TGM1: variants seen among roughly 807,000 people sequenced by gnomAD.
TGM1 encodes the protein transglutaminase 1, also known as protein-glutamine gamma-glutamyltransferase K.
TGM1 carries 63 observed loss-of-function variants against 88.7 expected under a neutral mutation model. The observed-to-expected ratio is 0.71, with a 90% confidence interval of 0.58 to 0.88. The LOEUF (loss-of-function observed/expected upper bound fraction) is 0.88. Among genes scored for constraint, TGM1 ranks in the 40% least tolerant of loss-of-function variants. TGM1 has a pLI of 0.00. For synonymous variants in TGM1, 415 were observed against 431.1 expected, an observed-to-expected ratio of 0.96 and a Z score of 0.46; for missense variants, 996 against 1,118.0, an observed-to-expected ratio of 0.89 and a Z score of 1.56.
At chr14:24,253,940 G>A (rs2855013) in intron 14 of TGM1, among the ~76,000 whole-genome samples, 2 of 152,342 alleles carry the variant, frequency 1.3e-5, no homozygotes, top group African/African-American at 4.8e-5. Context: ...GCAGGGCAAG[G>A]ACATGGCATA....
At chr14:24,257,342 GTGGGGGTT>G (rs1185072707) in intron 9 of TGM1, among the ~76,000 whole-genome samples, 6 of 152,206 alleles carry the variant, frequency 3.9e-5, no homozygotes, top group Admixed American at 2.0e-4. Flanking sequence ...GTAAGAAGGG[GTGGGGGTT>G]TGTTTGAGAA....
intron 14 of TGM1, among the ~76,000 whole-genome samples, chr14:24,250,338 C>T (rs1855337584): frequency 6.6e-6 from 1 of 152,144 alleles, no homozygotes; most frequent in African/African-American, 2.4e-5. Flanking sequence ...TGCCTCGCAT[C>T]CCACTTTTGT....
chr14:24,257,741 A>G (rs1165958211), intron 9 of TGM1, among the ~76,000 whole-genome samples: 2 of 152,222 alleles, frequency 1.3e-5, no homozygotes, highest in Admixed American at 6.5e-5. Flanking sequence ...GTTAGCATCT[A>G]TCCTGGGAAA....
chr14:24,258,019 T>C (rs1165490338), intron 9 of TGM1, among the ~76,000 whole-genome samples: 1 of 152,230 alleles, frequency 6.6e-6, no homozygotes, highest in Admixed American at 6.5e-5. Flanking sequence ...TTCCAGCTTT[T>C]GAATTTTGAA....
Position 24,258,702 on chromosome 14 carries a change from G to T in TGM1, c.1160-29C>A, listed in dbSNP as rs377511558. 16 of 1,612,218 alleles carry T rather than the reference G, an allele frequency of 9.9e-6. No homozygotes were observed. In the African/African-American group the frequency reaches 1.3e-4, roughly 13 times the overall value. ...TGGAGGAGCGAAGGTTGGGGTTCAA[G>T]GCATGGGTTGGGGGCAAGTGAGGCA... On this transcript the variant is annotated intron_variant, in intron 7 of 14. Transcript: ENST00000206765.
intron 9 of TGM1, among the ~76,000 whole-genome samples, chr14:24,257,873 A>G (rs1387170759): frequency 6.6e-6 from 1 of 152,226 alleles, no homozygotes; most frequent in African/African-American, 2.4e-5. Context: ...GTTCAATTCT[A>G]TACTTTTTTT....
intron 14 of TGM1, 61 bp from the exon 15 acceptor site, chr14:24,249,602 CT>C: frequency 6.9e-7 from 1 of 1,448,366 alleles, no homozygotes; most frequent in Non-Finnish European, 9.6e-7. Flanking sequence ...GGAGTAAGAG[CT>C]GATCCAGGGC....
chr14:24,254,559 G>C, intron 13 of TGM1, 105 bp downstream of exon 13: 1 of 1,564,714 alleles, frequency 6.4e-7, no homozygotes. Flanking sequence ...TCCTACAAAG[G>C]CTCATCAGGC....
chr14:24,262,236 T>A lies in TGM1; in HGVS notation c.117A>T (p.Gly39=). ...PEPDGRSRRG[G]GRSFWARCCG... is the part of the protein sequence containing the mutation. ...AGCAGCGAGCCCAGAAGGAACGGCCTCCTCCTCTGCGAGAGCGTCCGTCTG... is the reference window on the plus strand; with the variant it reads ...AGCAGCGAGCCCAGAAGGAACGGCCACCTCCTCTGCGAGAGCGTCCGTCTG... The change falls in exon 2 of 15, where the codon GGA becomes GGT. Residue 39 remains glycine, a synonymous_variant. Coordinates refer to ENST00000206765, the MANE Select transcript of TGM1 (RefSeq NM_000359.3). 6.2e-7 allele frequency: 1 copy of A among 1,613,800 alleles called. No individual in the cohort carries two copies. Among genetic ancestry groups the A allele is most frequent in the East Asian group, 2.2e-5 (1 of 44,878 alleles).
Position 24,250,137 on chromosome 14 carries a change from C to A in TGM1, c.2226-596G>T, listed in dbSNP as rs531591796. ...ACAGACATCTTTAAATGGACATAAACCCTTATGTCTCTGTGTGTGTGTGTG... is the reference window on the plus strand; with the variant it reads ...ACAGACATCTTTAAATGGACATAAAACCTTATGTCTCTGTGTGTGTGTGTG... On this transcript the variant is annotated intron_variant, in intron 14 of 14. Coordinates refer to ENST00000206765, the MANE Select transcript of TGM1 (RefSeq NM_000359.3). 9.4e-5 allele frequency among the ~76,000 whole-genome samples: 13 copies of A among 137,834 alleles called. No individual in the cohort carries two copies. The East Asian group carries it at 3.3e-3, about 35-fold the overall frequency. 90.4% of individuals were successfully genotyped at this position (137,834 alleles called of 152,430 possible).
chr14:24,259,701 C>T lies in TGM1; in HGVS notation c.984+3G>A, dbSNP rs1454543920. On this transcript the variant is annotated splice_donor_region_variant and intron_variant, in intron 6 of 14. Coordinates refer to ENST00000206765, the MANE Select transcript of TGM1 (RefSeq NM_000359.3). This position sits in a 1 kb window ranked among gnomAD's most constrained non-coding sequence, Gnocchi z 5.7. ...TAGGACTCAGAGATGTGAGGGTGCT[C>T]ACCATGGCAGAGATGACCCGGGAGA... 1.6e-5 allele frequency: 26 copies of T among 1,608,722 alleles called. No individual in the cohort carries two copies. In the Admixed American group the frequency reaches 4.2e-4, roughly 26 times the overall value.
At position 24,256,058 on chromosome 14, in the gene TGM1, G is replaced by A. The variant is rs774717848; in HGVS notation, c.1422C>T (p.Pro474=). 1.3e-6 allele frequency: 2 copies of A among 1,568,886 alleles called. No homozygotes were observed. Among genetic ancestry groups the A allele is most frequent in the South Asian group, 2.3e-5 (2 of 85,400 alleles). ...ETSSGIFCCG[P]CSVESIKNGL... is the part of the protein sequence containing the mutation. ...CATTCTTGATGGACTCCACAGAGCA[G>A]GGGCCGCAGCAGAAGATGCCTAGAG... The change falls in exon 10 of 15, where the codon CCC becomes CCT. Residue 474 remains proline (P), a synonymous_variant. Coordinates refer to ENST00000206765, the MANE Select transcript of TGM1 (RefSeq NM_000359.3).
In TGM1 at chr14:24,254,981, G is replaced by A. The variant is rs753812357; in HGVS notation, c.1918C>T (p.Pro640Ser). The A allele has an allele frequency of 6.2e-7, 1 of 1,613,798 alleles. No homozygotes were observed. Among genetic ancestry groups the A allele is most frequent in the South Asian group, 1.1e-5 (1 of 91,074 alleles). The stretch of plus-strand genomic sequence containing the variant: ...GGTAAGGAGCACTTACAGGCCCCTG[G>A]TGCCAGCTCCACTTCCTTCTTGGTC... ...KETKKEVELA[P>S]GASDRVTMPV... Residue 640 changes from proline (P) to serine (S), a missense_variant, in exon 12 of 15, where the codon CCA becomes TCA. Physicochemically the swap from Pro to Ser is moderately conservative, Grantham distance 74. Transcript: ENST00000206765.
In TGM1 at chr14:24,249,420, G is replaced by A. The variant is rs767197839; in HGVS notation, c.2347C>T (p.Gln783Ter). Residue 783 changes from glutamine (Q) to a stop codon, truncating the protein, a stop_gained, in exon 15 of 15, where the codon CAG (glutamine) becomes TAG (stop). Transcript: ENST00000206765. LOFTEE classifies it high-confidence loss of function. ...PQLSQVHGVI[Q>*]VDVAPAPGDG... ...CCAGGGGCTGGGGCCACATCCACCT[G>A]GATGACACCGTGCACCTGGGAGAGC... 6 of 1,614,104 alleles carry A rather than the reference G, an allele frequency of 3.7e-6. No homozygotes were observed. The highest frequency in any genetic ancestry group is 5.1e-6 in the Non-Finnish European group (6 of 1,180,022).
At position 24,250,179 on chromosome 14, in the gene TGM1, T is replaced by TGTGTGTGTGTGTGTGTGA. The variant is rs138497842; in HGVS notation, c.2226-639_2226-638insTCACACACACACACACAC. Among the ~76,000 whole-genome samples, 4 of 140,804 alleles carry TGTGTGTGTGTGTGTGTGA rather than the reference T, an allele frequency of 2.8e-5. No homozygotes were observed. The East Asian group carries it at 8.8e-4, about 31-fold the overall frequency. The allele number at this position is 140,804 out of a possible 152,430, so 92.4% of individuals were successfully genotyped here. Reference sequence around the variant, plus strand: ...GTGTGTGTGTGTGTGTGTGTGTGTGTGAGAGAGACAGAGAGGTGGGTGGAC... The same window carrying TGTGTGTGTGTGTGTGTGA: ...GTGTGTGTGTGTGTGTGTGTGTGTGTGTGTGTGTGTGTGTGTGAGAGAGAGACAGAGAGGTGGGTGGAC... On this transcript the variant is annotated intron_variant, in intron 14 of 14. Coordinates refer to ENST00000206765, the MANE Select transcript of TGM1 (RefSeq NM_000359.3).
Position 24,255,356 on chromosome 14 carries a change from A to AATGGT in TGM1, c.1645+3_1645+7dup. On this transcript the variant is annotated splice_region_variant and intron_variant, in intron 11 of 14. Transcript: ENST00000206765. This position sits in a 1 kb window ranked among gnomAD's most constrained non-coding sequence, Gnocchi z 4.0. ...GGCCCAGAGCTGGCTGGGTTGGGGGAATGGTACCTTCTGGGTGCTTATAGA... is the reference window on the plus strand; with the variant it reads ...GGCCCAGAGCTGGCTGGGTTGGGGGAATGGTATGGTACCTTCTGGGTGCTTATAGA... 1 of 1,614,012 alleles carries AATGGT rather than the reference A, an allele frequency of 6.2e-7. No individual in the cohort carries two copies. The highest frequency in any genetic ancestry group is 1.1e-5 in the South Asian group (1 of 91,074).
chr14:24,260,385 G>A (rs1420492515), intron 4 of TGM1, 65 bp downstream of exon 4: 4 of 1,608,204 alleles, frequency 2.5e-6, no homozygotes, highest in South Asian at 1.1e-5. Context: ...CCACATCCGA[G>A]GGCAGGAAGC....
intron 12 of TGM1, 50 bp downstream of exon 12, chr14:24,254,922 C>T: frequency 6.2e-7 from 1 of 1,612,978 alleles, no homozygotes; most frequent in South Asian, 1.1e-5. Context: ...TGTCCACAGC[C>T]CTGAGGTGCC....
At position 24,260,037 on chromosome 14, in the gene TGM1, T is replaced by G. The variant is rs1464352778; in HGVS notation, c.779A>C (p.His260Pro). Residue 260 changes from histidine to proline, a missense_variant, in exon 5 of 15, where the codon CAT becomes CCT. Transcript: ENST00000206765. ...WCPEDIVYVD[H>P]EDWRQEYVLN... ...AACATACTCCTGCCGCCAATCCTCA[T>G]GGTCCACGTACACAATGTCCTCTGT... 5.6e-6 allele frequency: 9 copies of G among 1,614,204 alleles called. No individual in the cohort carries two copies. Among genetic ancestry groups the G allele is most frequent in the Non-Finnish European group, 7.6e-6 (9 of 1,180,016 alleles).
Sources: gnomAD v4.1 joint callset for allele counts (sites outside exome capture counted in the v4.1 genomes callset) on GRCh38, gnomAD v4.1.1 for gene constraint, Gnocchi (gnomAD v3.1) non-coding constraint, MANE v1.5 for transcripts, NCBI Gene and HGNC (gene_info 2026-07-23, HGNC 2026-07-21) for gene names.